Variants in PHACTR1 observed in about 807,000 individuals in gnomAD.
PHACTR1 encodes RPEL repeat containing 1.
A neutral mutation model predicts 69.2 loss-of-function variants in PHACTR1; 16 were observed. The ratio of observed to expected loss-of-function variants is 0.23; its 90% CI spans 0.16 to 0.35. The LOEUF (loss-of-function observed/expected upper bound fraction) is 0.35. Ranked by LOEUF, PHACTR1 falls within the 10% of genes least tolerant of loss-of-function variation. PHACTR1 has a pLI of 1.00. For synonymous variants in PHACTR1, 312 were observed against 284.5 expected, an observed-to-expected ratio of 1.10 and a Z score of -0.97; for missense variants, 510 against 734.7, an observed-to-expected ratio of 0.69 and a Z score of 3.54.
intron 4 of PHACTR1, among the ~76,000 whole-genome samples, chr6:12,958,708 T>C (rs1334885741): frequency 6.6e-6 from 1 of 152,198 alleles, no homozygotes; most frequent in Non-Finnish European, 1.5e-5. Flanking sequence ...TTTTTTATTG[T>C]TTGGCCCCAT....
intron 4 of PHACTR1, among the ~76,000 whole-genome samples, chr6:12,846,509 G>C (rs1472334659): frequency 2.0e-5 from 3 of 152,168 alleles, no homozygotes; most frequent in African/African-American, 7.2e-5. Context: ...AGTAGACCTT[G>C]AGTCTAAGAT....
chr6:13,145,571 G>C (rs1187178427), intron 5 of PHACTR1, among the ~76,000 whole-genome samples: 1 of 152,170 alleles, frequency 6.6e-6, no homozygotes, highest in African/African-American at 2.4e-5. Flanking sequence ...ACCCACACGT[G>C]GCTGTATTTG....
At chr6:12,899,739 C>T (rs987169100) in intron 4 of PHACTR1, among the ~76,000 whole-genome samples, 4 of 152,232 alleles carry the variant, frequency 2.6e-5, no homozygotes, top group Admixed American at 2.6e-4. Flanking sequence ...TCAACTCTGT[C>T]TTTCTAAATG....
At chr6:12,851,424 A>G (rs2127759073) in intron 4 of PHACTR1, among the ~76,000 whole-genome samples, 1 of 152,334 alleles carries the variant, frequency 6.6e-6, no homozygotes, top group East Asian at 1.9e-4. Flanking sequence ...GGAATCCAAC[A>G]ATACTCAGAT....
chr6:13,158,494 C>T (rs920744711), intron 5 of PHACTR1, among the ~76,000 whole-genome samples: 1 of 152,180 alleles, frequency 6.6e-6, no homozygotes, highest in Non-Finnish European at 1.5e-5. Context: ...GCATTCTAAC[C>T]TAACATTTAT....
At chr6:13,212,026 G>T (rs950859498) in intron 8 of PHACTR1, among the ~76,000 whole-genome samples, 1 of 152,188 alleles carries the variant, frequency 6.6e-6, no homozygotes, top group South Asian at 2.1e-4. Context: ...TTCTCCTGGG[G>T]ACTCTCTTCT....
At chr6:13,176,112 A>G (rs1350187851) in intron 6 of PHACTR1, among the ~76,000 whole-genome samples, 1 of 152,184 alleles carries the variant, frequency 6.6e-6, no homozygotes, top group African/African-American at 2.4e-5. Flanking sequence ...GGAATGAGGA[A>G]TGGGTTTCCC....
rs116719175 is a variant in PHACTR1 at position 12,945,241 on chromosome 6, T to C, written c.251-108124T>C. ...TAAAACCACTTCCTCCAGAAAGCCC[T>C]CCCTAATCACTCCCCCAGATTCATT... On this transcript the variant is annotated intron_variant, in intron 4 of 14. Coordinates refer to ENST00000332995, the MANE Select transcript of PHACTR1 (RefSeq NM_030948.6). 6.3e-3 allele frequency among the ~76,000 whole-genome samples: 963 copies of C among 152,220 alleles called. 15 individuals are homozygous for C. The highest frequency in any genetic ancestry group is 0.022 in the African/African-American group (912 of 41,532).
At chr6:12,795,063 T>C (rs1772802728) in intron 4 of PHACTR1, among the ~76,000 whole-genome samples, 1 of 152,146 alleles carries the variant, frequency 6.6e-6, no homozygotes, top group Non-Finnish European at 1.5e-5. Flanking sequence ...AAAATGCAGA[T>C]TCTGATTTTC....
rs774915842 is a variant in PHACTR1, at chr6:12,749,799, G to A, written c.250+9G>A. The A allele has an allele frequency of 6.9e-5, 108 of 1,576,448 alleles. No individual in the cohort carries two copies. Among genetic ancestry groups the A allele is most frequent in the Non-Finnish European group, 8.9e-5 (103 of 1,161,572 alleles). On this transcript the variant is annotated intron_variant, in intron 4 of 14. Coordinates refer to ENST00000332995, the MANE Select transcript of PHACTR1 (RefSeq NM_030948.6). ...CTTTAACCTGGGGGCAGGTAAGAAC[G>A]CCCCTGGCGCCGCGCCCCCGCCCCC...
chr6:13,111,300 ATT>A (rs2127905696), intron 5 of PHACTR1, among the ~76,000 whole-genome samples: 1 of 152,278 alleles, frequency 6.6e-6, no homozygotes, highest in African/African-American at 2.4e-5. Context: ...TAAATTTCCA[ATT>A]TAAGTAAAAA....
At chr6:12,898,323 T>C (rs1194837796) in intron 4 of PHACTR1, among the ~76,000 whole-genome samples, 1 of 151,856 alleles carries the variant, frequency 6.6e-6, no homozygotes, top group East Asian at 1.9e-4. Context: ...CGGGAGCTGA[T>C]GACTCTCAAA....
intron 5 of PHACTR1, among the ~76,000 whole-genome samples, chr6:13,054,463 G>A (rs567481125): frequency 5.9e-5 from 9 of 152,170 alleles, no homozygotes; most frequent in South Asian, 2.1e-4. Context: ...CAACAGAAAT[G>A]TGTTTCTCAC....
intron 5 of PHACTR1, among the ~76,000 whole-genome samples, chr6:13,071,605 G>A (rs1303541652): frequency 3.9e-5 from 6 of 152,158 alleles, no homozygotes; most frequent in African/African-American, 1.4e-4. Flanking sequence ...ATGTTCAGAT[G>A]CAGATGTAAT....
At chr6:12,747,116 A>T (rs757894017) in intron 3 of PHACTR1, among the ~76,000 whole-genome samples, 1 of 152,206 alleles carries the variant, frequency 6.6e-6, no homozygotes, top group African/African-American at 2.4e-5. Flanking sequence ...TATGTTTAAC[A>T]GTGATAAACG....
At chr6:12,862,666 C>CT (rs1781058694) in intron 4 of PHACTR1, among the ~76,000 whole-genome samples, 2 of 152,162 alleles carry the variant, frequency 1.3e-5, no homozygotes, top group South Asian at 4.2e-4. Context: ...ATGCACCATG[C>CT]TATTTGCGTT....
chr6:12,865,004 G>T (rs919583937), intron 4 of PHACTR1, among the ~76,000 whole-genome samples: 13 of 152,202 alleles, frequency 8.5e-5, no homozygotes, highest in Non-Finnish European at 1.3e-4. Context: ...TGTTAGTGCT[G>T]GTTAGCACTA....
chr6:13,214,502 G>A (rs1767376159), intron 8 of PHACTR1, among the ~76,000 whole-genome samples: 1 of 152,186 alleles, frequency 6.6e-6, no homozygotes, highest in East Asian at 1.9e-4. Context: ...ATGGGAGAGG[G>A]GTCATCATCC....
chr6:13,201,923 T>A (rs1765294175), intron 7 of PHACTR1, among the ~76,000 whole-genome samples: 2 of 152,252 alleles, frequency 1.3e-5, no homozygotes, highest in South Asian at 2.1e-4. Context: ...ATTTTAGCCC[T>A]TTTCTTACTT....
Sources: allele counts gnomAD v4.1 joint callset (sites outside exome capture counted in the v4.1 genomes callset), GRCh38; gene constraint gnomAD v4.1.1; transcripts MANE v1.5; gene names NCBI Gene and HGNC (gene_info 2026-07-23, HGNC 2026-07-21).